The following CUBN variants were observed in gnomAD, a reference collection of about 807,000 sequenced individuals.
The protein encoded by CUBN is 460 kDa receptor.
In CUBN, 282 loss-of-function variants were observed where a neutral mutation model predicts 405.3. That is an observed-to-expected ratio of 0.70 (90% CI 0.63 to 0.77). CUBN has a LOEUF of 0.77. Among genes scored for constraint, CUBN ranks in the 30% least tolerant of loss-of-function variants. The pLI, the probability that CUBN is intolerant of heterozygous loss-of-function variation, is 0.00. For missense variants in CUBN, 4,514 were observed against 4,475.2 expected, an observed-to-expected ratio of 1.01 and a Z score of -0.25; for synonymous variants, 1,684 against 1,617.0, an observed-to-expected ratio of 1.04 and a Z score of -0.99.
intron 17 of CUBN, among the ~76,000 whole-genome samples, chr10:17,074,086 A>G (rs1835799131): frequency 6.6e-6 from 1 of 152,240 alleles, no homozygotes; most frequent in Admixed American, 6.5e-5. Flanking sequence ...ACATCCAAAT[A>G]TTAATTCATT....
chr10:16,989,363 TATTA>T (rs1281209951), intron 29 of CUBN, among the ~76,000 whole-genome samples: 2 of 148,298 alleles, frequency 1.3e-5, no homozygotes, highest in African/African-American at 4.9e-5. Context: ...TTATAATAAA[TATTA>T]ATTATTGTAA....
chr10:17,093,987 G>A (rs1477354263), intron 14 of CUBN, among the ~76,000 whole-genome samples: 3 of 152,018 alleles, frequency 2.0e-5, no homozygotes, highest in African/African-American at 7.2e-5. Flanking sequence ...GAAAAAAGTG[G>A]CAATGCAATA....
intron 31 of CUBN, among the ~76,000 whole-genome samples, chr10:16,981,669 T>A (rs1512702): frequency 6.6e-6 from 1 of 151,732 alleles, no homozygotes; most frequent in Non-Finnish European, 1.5e-5. Flanking sequence ...CCACCAGAGA[T>A]GAGGGACCAG....
intron 8 of CUBN, among the ~76,000 whole-genome samples, chr10:17,113,438 G>A (rs1289471696): frequency 2.7e-5 from 4 of 150,942 alleles, no homozygotes; most frequent in South Asian, 4.2e-4. Context: ...AAAAAAAAAT[G>A]TGTGGAATAT....
At chr10:16,847,179 G>A (rs958663366) in intron 60 of CUBN, among the ~76,000 whole-genome samples, 3 of 151,974 alleles carry the variant, frequency 2.0e-5, no homozygotes, top group African/African-American at 4.8e-5. Context: ...TTGGCCGGGC[G>A]TGGTGGCTCA....
At chr10:17,116,295 T>A (rs1182340236) in intron 6 of CUBN, among the ~76,000 whole-genome samples, 1 of 152,234 alleles carries the variant, frequency 6.6e-6, no homozygotes, top group Non-Finnish European at 1.5e-5. Flanking sequence ...TAAGCCCTTG[T>A]CATTGTTAAA....
chr10:17,114,208 C>G lies in CUBN; in HGVS notation c.721-19G>C. On this transcript the variant is annotated intron_variant, in intron 7 of 66. Coordinates refer to ENST00000377833, the MANE Select transcript of CUBN (RefSeq NM_001081.4). ...ACTTGGGCTGGCAGGATGACAACAG[C>G]GTGAATAAAGACAATCATGAAAATC... 2 of 1,612,574 alleles carry G rather than the reference C, an allele frequency of 1.2e-6. No homozygotes were observed. The highest frequency in any genetic ancestry group is 1.7e-6 in the Non-Finnish European group (2 of 1,179,170).
At chr10:16,908,872 C>CT (rs35736503) in intron 48 of CUBN, among the ~76,000 whole-genome samples, 54,678 of 115,450 alleles carry the variant, frequency 0.47, 14,735 homozygotes, top group East Asian at 0.64. Flanking sequence ...GATGTCATCT[C>CT]TTTTTTTTTT....
intron 59 of CUBN, among the ~76,000 whole-genome samples, chr10:16,854,632 C>T (rs1053253343): frequency 2.0e-5 from 3 of 152,108 alleles, no homozygotes; most frequent in Admixed American, 1.3e-4. Flanking sequence ...TTCTATTAAT[C>T]ATCAGCTTCA....
In CUBN at chr10:16,925,768, C is replaced by T. The variant is rs748823977; in HGVS notation, c.6278G>A (p.Gly2093Asp). ...GFNASFHKSC[G>D]GYLHADRGII... Reference sequence around the variant, plus strand: ...CCCTCTGTCTGCATGCAAATATCCACCGCAGCCTTCCCACAAAGAAACAAA... The same window carrying T: ...CCCTCTGTCTGCATGCAAATATCCATCGCAGCCTTCCCACAAAGAAACAAA... The change falls in exon 42 of 67, where the codon GGT becomes GAT. Residue 2093 changes from glycine to aspartate, a missense_variant. Transcript: ENST00000377833. 6.2e-7 allele frequency: 1 copy of T among 1,613,814 alleles called. No homozygotes were observed. Among genetic ancestry groups the T allele is most frequent in the Non-Finnish European group, 8.5e-7 (1 of 1,179,814 alleles).
At chr10:16,920,170 T>A in intron 43 of CUBN, 33 bp from the exon 44 acceptor site, 5 of 1,609,798 alleles carry the variant, frequency 3.1e-6, no homozygotes, top group Non-Finnish European at 4.2e-6. Context: ...CAGTCTATGA[T>A]CTGGTGAAGG....
intron 22 of CUBN, among the ~76,000 whole-genome samples, chr10:17,065,229 C>T (rs577583103): frequency 6.7e-6 from 1 of 149,492 alleles, no homozygotes; most frequent in Admixed American, 6.7e-5. Context: ...TCTTTACCGT[C>T]TGAAAACTTC....
At chr10:16,897,001 T>A (rs915919417) in intron 54 of CUBN, among the ~76,000 whole-genome samples, 1 of 152,224 alleles carries the variant, frequency 6.6e-6, no homozygotes, top group African/African-American at 2.4e-5. Flanking sequence ...AGTTCTATAA[T>A]TTCTATTTAG....
chr10:17,021,684 T>C (rs1445655871), intron 27 of CUBN, among the ~76,000 whole-genome samples: 1 of 152,236 alleles, frequency 6.6e-6, no homozygotes, highest in African/African-American at 2.4e-5. Flanking sequence ...GTTTGAAACA[T>C]ATTGATTTGA....
Position 17,069,100 on chromosome 10 carries a change from T to C in CUBN, c.2626-330A>G, listed in dbSNP as rs569054366. ...CACTGTATAACATTTTCAAAGTTCA[T>C]CCACGTTGTAGCATGGATCATTATT... On this transcript the variant is annotated intron_variant, in intron 19 of 66. Transcript: ENST00000377833. 2.6e-5 allele frequency among the ~76,000 whole-genome samples: 4 copies of C among 152,326 alleles called. No individual in the cohort carries two copies. The East Asian group carries it at 7.7e-4, about 29-fold the overall frequency.
At chr10:17,017,542 G>C (rs1834364210) in intron 28 of CUBN, among the ~76,000 whole-genome samples, 1 of 152,216 alleles carries the variant, frequency 6.6e-6, no homozygotes, top group Non-Finnish European at 1.5e-5. Context: ...AGTTGGAAGA[G>C]TGATGCCTTT....
intron 54 of CUBN, among the ~76,000 whole-genome samples, chr10:16,894,098 T>C (rs1256490385): frequency 1.3e-5 from 2 of 152,202 alleles, no homozygotes; most frequent in Non-Finnish European, 2.9e-5. Flanking sequence ...CTCTTGAGTT[T>C]GAGACTTCTT....
intron 14 of CUBN, among the ~76,000 whole-genome samples, chr10:17,091,252 T>G (rs1836251126): frequency 6.6e-6 from 1 of 152,198 alleles, no homozygotes; most frequent in Non-Finnish European, 1.5e-5. Context: ...GGAAAAGTGT[T>G]TCATTTTTAA....
intron 36 of CUBN, among the ~76,000 whole-genome samples, chr10:16,943,767 A>G (rs7913144): frequency 0.49 from 74,279 of 152,026 alleles, 19,693 homozygotes; most frequent in African/African-American, 0.71. Flanking sequence ...AAGATCCTAG[A>G]TGATCAACAT....
Sources: allele counts gnomAD v4.1 joint callset (sites outside exome capture counted in the v4.1 genomes callset), GRCh38; gene constraint gnomAD v4.1.1; transcripts MANE v1.5; gene names NCBI Gene and HGNC (gene_info 2026-07-23, HGNC 2026-07-21).